WDR59: variants seen among roughly 807,000 people sequenced by gnomAD.
WDR59 encodes the protein WD repeat domain 59.
Under a neutral mutation model 131.2 loss-of-function variants are expected in WDR59, and 100 were observed. That is an observed-to-expected ratio of 0.76 (90% confidence interval 0.65 to 0.90). The LOEUF (loss-of-function observed/expected upper bound fraction) is 0.90, where lower values mean the gene tolerates loss of function less well. Ranked by LOEUF, WDR59 falls within the 40% of genes least tolerant of loss-of-function variation. The pLI is 0.00. For synonymous variants in WDR59, 601 were observed against 466.2 expected (o/e 1.29, Z -3.72); for missense variants, 1,203 against 1,262.2 (o/e 0.95, Z 0.71).
At chr16:74,961,256 C>A (rs192603630) in intron 2 of WDR59, among the ~76,000 whole-genome samples, 1 of 152,036 alleles carries the variant, frequency 6.6e-6, no homozygotes, top group Admixed American at 6.6e-5. Context: ...TGCAGTGAGC[C>A]GTGATCTGCA....
intron 11 of WDR59, 93 bp downstream of exon 11, chr16:74,917,836 T>C: frequency 8.8e-7 from 1 of 1,139,360 alleles, no homozygotes; most frequent in Non-Finnish European, 1.3e-6. Context: ...AAAAAAATTG[T>C]TTATCCTGTA....
At chr16:74,926,876 T>A (rs1341780516) in intron 8 of WDR59, among the ~76,000 whole-genome samples, 1 of 152,110 alleles carries the variant, frequency 6.6e-6, no homozygotes, top group African/African-American at 2.4e-5. Flanking sequence ...AATGAGGATA[T>A]CCCAAGGAAA....
At chr16:74,951,835 C>T (rs112886105) in intron 3 of WDR59, among the ~76,000 whole-genome samples, 90 of 152,224 alleles carry the variant, frequency 5.9e-4, no homozygotes, top group African/African-American at 1.7e-3. Flanking sequence ...CTTCTGCAGA[C>T]GAGCTTCATG....
Position 74,951,445 on chromosome 16 carries a change from G to C in WDR59, c.326+13C>G, listed in dbSNP as rs764286891. On this transcript the variant is annotated intron_variant, in intron 4 of 25. Coordinates refer to ENST00000262144, the MANE Select transcript of WDR59 (RefSeq NM_030581.4). ...GCAAGACAGCCAAAGAGCTGTGGAG[G>C]GCTGGTGCCTACCTGATGACACGAG... is the stretch of plus-strand genomic sequence containing the variant. 6.3e-7 allele frequency: 1 copy of C among 1,587,258 alleles called. No individual in the cohort carries two copies. Among genetic ancestry groups the C allele is most frequent in the Non-Finnish European group, 8.6e-7 (1 of 1,166,612 alleles).
At chr16:74,952,158 AAG>A (rs972684301) in intron 3 of WDR59, among the ~76,000 whole-genome samples, 1 of 152,000 alleles carries the variant, frequency 6.6e-6, no homozygotes, top group Non-Finnish European at 1.5e-5. Context: ...ATAGGTGCAT[AAG>A]AGAGAAAAAA....
At chr16:74,956,754 G>C in intron 2 of WDR59, 144 bp from the exon 3 acceptor site, 1 of 1,055,082 alleles carries the variant, frequency 9.5e-7, no homozygotes, top group Non-Finnish European at 1.4e-6. Context: ...TACTCTGAAA[G>C]GCAAAGAAGT....
intron 8 of WDR59, among the ~76,000 whole-genome samples, chr16:74,937,632 G>C (rs370606597): frequency 6.6e-6 from 1 of 152,162 alleles, no homozygotes; most frequent in African/African-American, 2.4e-5. Flanking sequence ...CTCCCAAGTA[G>C]ATGGAATTAC....
intron 6 of WDR59, among the ~76,000 whole-genome samples, chr16:74,945,579 C>T (rs1435822678): frequency 6.6e-6 from 1 of 152,044 alleles, no homozygotes; most frequent in Non-Finnish European, 1.5e-5. Context: ...AGTTATACGC[C>T]CTCTGCAGCC....
At chr16:74,903,394 A>G (rs1327959577) in intron 18 of WDR59, among the ~76,000 whole-genome samples, 2 of 152,218 alleles carry the variant, frequency 1.3e-5, no homozygotes, top group African/African-American at 4.8e-5. Context: ...CTTTAGGGAC[A>G]ATGAGTTATT....
intron 3 of WDR59, among the ~76,000 whole-genome samples, chr16:74,953,875 G>T (rs373763452): frequency 6.6e-6 from 1 of 151,946 alleles, no homozygotes; most frequent in Non-Finnish European, 1.5e-5. Flanking sequence ...GGTGGTGGAC[G>T]CCTGTAGTCC....
At chr16:74,979,020 G>C (rs1486634483) in intron 1 of WDR59, 1 of 152,158 alleles carries the variant, frequency 6.6e-6, no homozygotes, top group Non-Finnish European at 1.5e-5. Flanking sequence ...ACCTTTCCTT[G>C]AGAGTGAAAA....
intron 16 of WDR59, 57 bp downstream of exon 16, chr16:74,909,444 T>C (rs996881135): frequency 1.3e-6 from 2 of 1,489,938 alleles, no homozygotes; most frequent in Non-Finnish European, 1.8e-6. Context: ...ACAGAATCTA[T>C]GACATTCTTA....
intron 1 of WDR59, among the ~76,000 whole-genome samples, chr16:74,978,495 A>G (rs1465643671): frequency 1.3e-5 from 2 of 152,146 alleles, no homozygotes; most frequent in East Asian, 3.8e-4. Flanking sequence ...TGTCCCTTCA[A>G]AAAACAAAAC....
intron 3 of WDR59, 81 bp downstream of exon 3, chr16:74,956,394 C>T: frequency 1.3e-6 from 2 of 1,521,898 alleles, no homozygotes; most frequent in Non-Finnish European, 1.8e-6. Flanking sequence ...ACTGCATTCT[C>T]TTCTCTACAC....
rs1320796541 is a variant in WDR59 at position 74,937,070 on chromosome 16, AC to A, written c.651+1079del. On this transcript the variant is annotated intron_variant, in intron 8 of 25. Transcript: ENST00000262144. ...TGACACTGAATCATAAAATTGCTAAACCAATTTCTGTGGTCAAACCCCTGTC... is the reference window on the plus strand; with the variant it reads ...TGACACTGAATCATAAAATTGCTAAACAATTTCTGTGGTCAAACCCCTGTC... Among the ~76,000 whole-genome samples, 6 of 152,224 alleles carry A rather than the reference AC, an allele frequency of 3.9e-5. No individual in the cohort carries two copies. The South Asian group carries it at 8.3e-4, about 21-fold the overall frequency.
intron 8 of WDR59, among the ~76,000 whole-genome samples, chr16:74,924,387 T>C (rs996965866): frequency 6.6e-6 from 1 of 152,344 alleles, no homozygotes; most frequent in East Asian, 1.9e-4. Flanking sequence ...ATTTCAGACA[T>C]ATATTTAGAA....
chr16:74,930,285 C>T (rs930989733), intron 8 of WDR59, among the ~76,000 whole-genome samples: 14 of 152,068 alleles, frequency 9.2e-5, no homozygotes, highest in African/African-American at 2.9e-4. Context: ...CATTATATGC[C>T]TGTATCAAAA....
chr16:74,949,728 A>C lies in WDR59; in HGVS notation c.397T>G (p.Trp133Gly). Residue 133 changes from tryptophan to glycine, a missense_variant, in exon 5 of 26, where the codon TGG (tryptophan) becomes GGG (glycine). By Grantham distance (184) the Trp-to-Gly change is radical. Coordinates refer to ENST00000262144, the MANE Select transcript of WDR59 (RefSeq NM_030581.4). Reference sequence around the variant, plus strand: ...CCTAATTGTTCTTACTTGATATCCCAAATGTAGATGTAGGTGTCCACAGAG... The same window carrying C: ...CCTAATTGTTCTTACTTGATATCCCCAATGTAGATGTAGGTGTCCACAGAG... ...TSSVDTYIYI[W>G]DIKDTRKPTV... 6.2e-7 allele frequency: 1 copy of C among 1,613,854 alleles called. No homozygotes were observed. The highest frequency in any genetic ancestry group is 8.5e-7 in the Non-Finnish European group (1 of 1,179,852).
chr16:74,945,455 C>T (rs549807409), intron 6 of WDR59, among the ~76,000 whole-genome samples: 12 of 151,260 alleles, frequency 7.9e-5, no homozygotes, highest in Non-Finnish European at 1.2e-4. Context: ...CCAGCCTGGG[C>T]AACAGAGCGA....
Sources: gnomAD v4.1 joint callset for allele counts (sites outside exome capture counted in the v4.1 genomes callset) on GRCh38, gnomAD v4.1.1 for gene constraint, MANE v1.5 for transcripts, NCBI Gene and HGNC (gene_info 2026-07-23, HGNC 2026-07-21) for gene names.